UST: variants seen among roughly 807,000 people sequenced by gnomAD.
UST encodes the protein uronyl 2-sulfotransferase.
UST carries 21 observed loss-of-function variants against 45.6 expected under a neutral mutation model. The observed-to-expected ratio is 0.46, with a 90% CI of 0.33 to 0.66. The LOEUF (loss-of-function observed/expected upper bound fraction) is 0.66, where lower values mean the gene tolerates loss of function less well. Among genes scored for constraint, UST ranks in the 30% least tolerant of loss-of-function variants. The probability of loss-of-function intolerance (pLI) is 0.02; values close to 1 mark genes in which losing one functional copy is unlikely to be tolerated. For missense variants in UST, 463 were observed against 512.4 expected (o/e 0.90, Z 0.93); for synonymous variants, 215 against 200.6 (o/e 1.07, Z -0.61).
At chr6:148,953,988 C>A in intron 4 of UST, 37 bp downstream of exon 4, 2 of 1,493,528 alleles carry the variant, frequency 1.3e-6, no homozygotes, top group Non-Finnish European at 1.8e-6. Flanking sequence ...CTTTCATTTT[C>A]TTCTAATGAA....
intron 5 of UST, among the ~76,000 whole-genome samples, chr6:148,974,011 G>A (rs1340578982): frequency 6.6e-6 from 1 of 152,206 alleles, no homozygotes; most frequent in Non-Finnish European, 1.5e-5. Context: ...TTTGTTAGCT[G>A]CGGCAGCCTT....
chr6:148,932,133 G>A (rs903088977), intron 2 of UST, among the ~76,000 whole-genome samples: 4 of 152,134 alleles, frequency 2.6e-5, no homozygotes, highest in African/African-American at 7.2e-5. Context: ...TAATCCCAGC[G>A]CTTTCAGAAG....
At chr6:148,767,994 AG>A (rs1776352206) in intron 1 of UST, among the ~76,000 whole-genome samples, 1 of 152,174 alleles carries the variant, frequency 6.6e-6, no homozygotes, top group African/African-American at 2.4e-5. Context: ...AAATTGTTGC[AG>A]ACTTCCCTAT....
At chr6:148,842,872 A>C (rs1284308078) in intron 1 of UST, among the ~76,000 whole-genome samples, 1 of 152,004 alleles carries the variant, frequency 6.6e-6, no homozygotes. Flanking sequence ...TTTACAAACC[A>C]CTCTGTCGCG....
intron 1 of UST, among the ~76,000 whole-genome samples, chr6:148,866,583 A>G (rs1467104281): frequency 2.0e-5 from 3 of 152,154 alleles, no homozygotes; most frequent in Non-Finnish European, 4.4e-5. Flanking sequence ...GTTGCATTCT[A>G]TTTTCCTGTA....
intron 1 of UST, among the ~76,000 whole-genome samples, chr6:148,879,266 A>G (rs575693781): frequency 2.6e-5 from 4 of 152,322 alleles, no homozygotes; most frequent in South Asian, 4.1e-4. Context: ...TTCTGTGATC[A>G]TCCACGCTCC....
intron 1 of UST, among the ~76,000 whole-genome samples, chr6:148,869,448 T>G (rs1337406826): frequency 6.6e-6 from 1 of 152,218 alleles, no homozygotes; most frequent in Non-Finnish European, 1.5e-5. Context: ...TTTGTGAGGA[T>G]TACCTTTCCA....
At chr6:149,032,137 G>T (rs1047896802) in intron 7 of UST, among the ~76,000 whole-genome samples, 2 of 152,266 alleles carry the variant, frequency 1.3e-5, no homozygotes, top group East Asian at 3.9e-4. Flanking sequence ...TTTCTGTGGC[G>T]CAACCTGGCA....
intron 1 of UST, among the ~76,000 whole-genome samples, chr6:148,874,845 A>G (rs1025411790): frequency 6.6e-6 from 1 of 152,200 alleles, no homozygotes; most frequent in Admixed American, 6.5e-5. Flanking sequence ...AATGCAACCC[A>G]TGGTTTAACG....
At chr6:149,054,580 C>G (rs13217006) in intron 7 of UST, among the ~76,000 whole-genome samples, 59,067 of 151,824 alleles carry the variant, frequency 0.39, 12,595 homozygotes, top group African/African-American at 0.55. Context: ...CTGCTATTGT[C>G]GGGGGGCAGG....
At chr6:148,786,118 A>G (rs1267343524) in intron 1 of UST, among the ~76,000 whole-genome samples, 1 of 151,922 alleles carries the variant, frequency 6.6e-6, no homozygotes, top group Non-Finnish European at 1.5e-5. Flanking sequence ...AACAGGATGT[A>G]TATGATTCTC....
At chr6:148,943,633 C>G (rs965410880) in intron 3 of UST, among the ~76,000 whole-genome samples, 2 of 152,112 alleles carry the variant, frequency 1.3e-5, no homozygotes, top group Non-Finnish European at 2.9e-5. Flanking sequence ...GTCTGGAAGC[C>G]AGAGAAGAGA....
rs917837629 is a variant in UST, at chr6:148,748,099, C to G, written c.247+422C>G. Among the ~76,000 whole-genome samples the G allele has an allele frequency of 6.6e-6, 1 of 152,164 alleles. No individual in the cohort carries two copies. Among genetic ancestry groups the G allele is most frequent in the African/African-American group, 2.4e-5 (1 of 41,426 alleles). On this transcript the variant is annotated intron_variant, in intron 1 of 7. Transcript: ENST00000367463. The surrounding 1 kb of genome is among the most constrained non-coding windows in gnomAD (Gnocchi z 5.3). ...ATTGTTAGTGACCGCAGTTCAGTCC[C>G]GTCCCGCGCCCCGGGGAGTGTGGGT...
intron 5 of UST, among the ~76,000 whole-genome samples, chr6:148,997,613 T>G (rs1337541783): frequency 6.6e-6 from 1 of 152,222 alleles, no homozygotes; most frequent in African/African-American, 2.4e-5. Flanking sequence ...TAAACCCCAG[T>G]TCATATCCTC....
At chr6:148,898,436 G>A (rs748090496) in intron 2 of UST, among the ~76,000 whole-genome samples, 2 of 151,934 alleles carry the variant, frequency 1.3e-5, no homozygotes, top group Non-Finnish European at 2.9e-5. Context: ...TTTTAATCCC[G>A]AAGTCGCCTG....
chr6:148,811,936 C>T (rs763846935), intron 1 of UST, among the ~76,000 whole-genome samples: 31 of 152,232 alleles, frequency 2.0e-4, no homozygotes, highest in Non-Finnish European at 3.8e-4. Flanking sequence ...CTCCGTTAAT[C>T]TACCACGATT....
rs1776742336 is a variant in UST at position 149,067,045 on chromosome 6, A to G, written c.938-6788A>G. ...ATAGGGAAAGGGGAAATGGAGGTTA[A>G]ATGTGGCAATTTTGAAGAGTAGTAA... On this transcript the variant is annotated intron_variant, in intron 7 of 7. Transcript: ENST00000367463. Among the ~76,000 whole-genome samples, 12 of 152,296 alleles carry G rather than the reference A, an allele frequency of 7.9e-5. No homozygotes were observed. In the South Asian group the frequency reaches 2.5e-3, roughly 32 times the overall value.
At chr6:148,824,193 T>A (rs1188264979) in intron 1 of UST, among the ~76,000 whole-genome samples, 2 of 152,216 alleles carry the variant, frequency 1.3e-5, no homozygotes, top group Non-Finnish European at 2.9e-5. Flanking sequence ...TAAGTTCAAG[T>A]TATGTTGAAG....
intron 1 of UST, among the ~76,000 whole-genome samples, chr6:148,838,463 C>A (rs1417311895): frequency 6.6e-6 from 1 of 152,196 alleles, no homozygotes; most frequent in African/African-American, 2.4e-5. Flanking sequence ...CAGCTGAAGA[C>A]CATGATTCAG....
Sources: allele counts gnomAD v4.1 joint callset (sites outside exome capture counted in the v4.1 genomes callset), GRCh38; gene constraint gnomAD v4.1.1; non-coding constraint Gnocchi (gnomAD v3.1); transcripts MANE v1.5; gene names NCBI Gene and HGNC (gene_info 2026-07-23, HGNC 2026-07-21).